Variants in TNR observed in about 807,000 individuals in gnomAD.
TNR encodes the protein tenascin-R.
Under a neutral mutation model 150.4 loss-of-function variants are expected in TNR, and 45 were observed. The observed-to-expected ratio is 0.30, with a 90% CI of 0.24 to 0.38. The LOEUF is 0.38. TNR is among the 10% of genes least tolerant of loss of function. The pLI, the probability that TNR is intolerant of heterozygous loss-of-function variation, is 1.00. For synonymous variants in TNR, 687 were observed against 678.4 expected, an observed-to-expected ratio of 1.01 and a Z score of -0.20; for missense variants, 1,544 against 1,759.1, an observed-to-expected ratio of 0.88 and a Z score of 2.19.
At position 175,537,359 on chromosome 1, in the gene TNR, T is replaced by C. The variant is rs1257352222; in HGVS notation, c.-164-8990A>G. On this transcript the variant is annotated intron_variant, in intron 1 of 22. Transcript: ENST00000367674. ...TTGCCCGGGTGTGGACCTAGGGGAATATTTCTTCTCTCCTTTAAATGGCTC... is the reference window on the plus strand; with the variant it reads ...TTGCCCGGGTGTGGACCTAGGGGAACATTTCTTCTCTCCTTTAAATGGCTC... 3.3e-5 allele frequency among the ~76,000 whole-genome samples: 5 copies of C among 152,294 alleles called. No homozygotes were observed. In the East Asian group the frequency reaches 9.6e-4, roughly 29 times the overall value.
chr1:175,378,653 A>T (rs575403949), intron 9 of TNR, among the ~76,000 whole-genome samples: 36 of 152,236 alleles, frequency 2.4e-4, no homozygotes. Flanking sequence ...AGCATTTGCC[A>T]GTCCTATATA....
At chr1:175,557,633 A>C (rs977244254) in intron 1 of TNR, among the ~76,000 whole-genome samples, 2 of 151,528 alleles carry the variant, frequency 1.3e-5, no homozygotes, top group African/African-American at 2.4e-5. Context: ...CAGGTGCTGG[A>C]GAGGATGTGG....
At chr1:175,486,296 C>G (rs1281821725) in intron 2 of TNR, among the ~76,000 whole-genome samples, 1 of 151,678 alleles carries the variant, frequency 6.6e-6, no homozygotes, top group Non-Finnish European at 1.5e-5. Flanking sequence ...CTCGACAGGC[C>G]CTGTTTGTGT....
intron 1 of TNR, among the ~76,000 whole-genome samples, chr1:175,619,604 A>G (rs1288496178): frequency 1.3e-5 from 2 of 152,194 alleles, no homozygotes; most frequent in Non-Finnish European, 2.9e-5. Context: ...CCATGGATGT[A>G]CAGAATTAGA....
At chr1:175,636,909 A>G (rs976274339) in intron 1 of TNR, among the ~76,000 whole-genome samples, 1 of 152,254 alleles carries the variant, frequency 6.6e-6, no homozygotes, top group Non-Finnish European at 1.5e-5. Context: ...CTCCATAACT[A>G]ACATGCATTA....
chr1:175,684,556 G>A (rs1449139457), intron 1 of TNR, among the ~76,000 whole-genome samples: 1 of 152,180 alleles, frequency 6.6e-6, no homozygotes, highest in East Asian at 1.9e-4. Flanking sequence ...CAGGTGGTGG[G>A]TGACAAAGGC....
chr1:175,601,792 G>A (rs1022256970), intron 1 of TNR, among the ~76,000 whole-genome samples: 7 of 152,026 alleles, frequency 4.6e-5, no homozygotes, highest in Non-Finnish European at 1.0e-4. Flanking sequence ...TTCAGCTTTA[G>A]GGCTTTTAAA....
intron 7 of TNR, among the ~76,000 whole-genome samples, chr1:175,389,892 A>G (rs2102033792): frequency 6.6e-6 from 1 of 152,332 alleles, no homozygotes. Context: ...GGTTTCTTCT[A>G]AAACATACTA....
intron 1 of TNR, among the ~76,000 whole-genome samples, chr1:175,534,294 T>C (rs1208767571): frequency 2.0e-5 from 3 of 152,206 alleles, no homozygotes; most frequent in African/African-American, 7.2e-5. Context: ...CAGAAGTTGC[T>C]TGACAATGAC....
chr1:175,617,806 A>T (rs1272198230), intron 1 of TNR, among the ~76,000 whole-genome samples: 3 of 152,166 alleles, frequency 2.0e-5, no homozygotes, highest in African/African-American at 7.2e-5. Flanking sequence ...ATCTTTTTTT[A>T]TTTCACAGAA....
rs138358223 is a variant in TNR, at chr1:175,440,644, G to T, written c.-63-33867C>A. 4.6e-3 allele frequency among the ~76,000 whole-genome samples: 697 copies of T among 151,594 alleles called. 1 individual carries two copies. The highest frequency in any genetic ancestry group is 7.8e-3 in the Non-Finnish European group (531 of 67,866). On this transcript the variant is annotated intron_variant, in intron 2 of 22. Coordinates refer to ENST00000367674, the MANE Select transcript of TNR (RefSeq NM_003285.3). ...AGGAGGGACTATTGAAGTGAGAGGGGAACCAAAAGAGAGGATTCATTGATA... is the reference window on the plus strand; with the variant it reads ...AGGAGGGACTATTGAAGTGAGAGGGTAACCAAAAGAGAGGATTCATTGATA...
chr1:175,612,599 A>C lies in TNR; in HGVS notation c.-164-84230T>G, dbSNP rs575721885. Among the ~76,000 whole-genome samples, 46 of 152,314 alleles carry C rather than the reference A, an allele frequency of 3.0e-4. 2 individuals are homozygous for C. The East Asian group carries it at 7.7e-3, about 26-fold the overall frequency. On this transcript the variant is annotated intron_variant, in intron 1 of 22. Transcript: ENST00000367674. ...TGATAGATTTTTATTTCTATTACCC[A>C]AAACCCCCCACTTTTCTTCACATAT...
intron 2 of TNR, among the ~76,000 whole-genome samples, chr1:175,415,368 A>T (rs905672483): frequency 6.6e-6 from 1 of 152,146 alleles, no homozygotes; most frequent in Non-Finnish European, 1.5e-5. Context: ...CAGATTTCTG[A>T]AAAGAACCCG....
chr1:175,569,084 G>C lies in TNR; in HGVS notation c.-164-40715C>G, dbSNP rs146492667. The stretch of plus-strand genomic sequence containing the variant: ...AACACAGCACTGAAAGTGAGGATGA[G>C]AGAAGGCAAAGAAAGCCGATAAGTT... On this transcript the variant is annotated intron_variant, in intron 1 of 22. Transcript: ENST00000367674. Among the ~76,000 whole-genome samples, 271 of 152,290 alleles carry C rather than the reference G, an allele frequency of 1.8e-3. 5 individuals are homozygous for C. The East Asian group carries it at 0.042, about 24-fold the overall frequency.
intron 1 of TNR, among the ~76,000 whole-genome samples, chr1:175,662,096 G>T (rs72725490): frequency 0.074 from 11,195 of 152,134 alleles, 487 homozygotes; most frequent in East Asian, 0.13. Context: ...TGGGGATTAG[G>T]ACCAGAAACC....
chr1:175,724,047 C>A (rs1036673322), intron 1 of TNR, among the ~76,000 whole-genome samples: 1 of 151,992 alleles, frequency 6.6e-6, no homozygotes, highest in Admixed American at 6.6e-5. Flanking sequence ...TTTATAAATT[C>A]TAAACCCTCC....
At chr1:175,345,146 C>A (rs1003146810) in intron 18 of TNR, among the ~76,000 whole-genome samples, 8 of 151,826 alleles carry the variant, frequency 5.3e-5, no homozygotes, top group African/African-American at 1.2e-4. Context: ...AACAAAAAAA[C>A]CCCACAAAAC....
At position 175,330,269 on chromosome 1, in the gene TNR, G is replaced by A. The variant is rs766179096; in HGVS notation, c.3632-34C>T. 4 of 1,464,184 alleles carry A rather than the reference G, an allele frequency of 2.7e-6. No individual in the cohort carries two copies. The East Asian group carries it at 7.2e-5, about 26-fold the overall frequency. 90.7% of individuals were successfully genotyped at this position (1,464,184 alleles called of 1,614,324 possible). On this transcript the variant is annotated intron_variant, in intron 20 of 22. Coordinates refer to ENST00000367674, the MANE Select transcript of TNR (RefSeq NM_003285.3). ...AAGAGCAGAAAATGCACTGAGACTG[G>A]CCCCCAGCAGCTTTGGAAAATGGGA...
chr1:175,679,040 G>C (rs1047236189), intron 1 of TNR, among the ~76,000 whole-genome samples: 1 of 152,212 alleles, frequency 6.6e-6, no homozygotes, highest in African/African-American at 2.4e-5. Context: ...TGCCAGAAGT[G>C]GGACAAACAG....
Sources: gnomAD v4.1 joint callset for allele counts (sites outside exome capture counted in the v4.1 genomes callset) on GRCh38, gnomAD v4.1.1 for gene constraint, MANE v1.5 for transcripts, NCBI Gene and HGNC (gene_info 2026-07-23, HGNC 2026-07-21) for gene names.